SFXN5: variants seen among roughly 807,000 people sequenced by gnomAD.
SFXN5 encodes sideroflexin-5.
In SFXN5, 43 loss-of-function variants were observed where a neutral mutation model predicts 50.2. That is an observed-to-expected ratio of 0.86 (90% CI 0.67 to 1.11). SFXN5 has a LOEUF of 1.11. Among genes scored for constraint, SFXN5 ranks in the 50% least tolerant of loss-of-function variants. The pLI, the probability that SFXN5 is intolerant of heterozygous loss-of-function variation, is 0.00. For synonymous variants in SFXN5, 203 were observed against 185.8 expected (o/e 1.09, Z -0.75); for missense variants, 463 against 454.1 (o/e 1.02, Z -0.18).
intron 2 of SFXN5, among the ~76,000 whole-genome samples, chr2:73,047,928 T>C (rs1178611208): frequency 6.6e-6 from 1 of 152,158 alleles, no homozygotes; most frequent in Non-Finnish European, 1.5e-5. Context: ...ATATTATTTA[T>C]GAAAAAGAAA....
chr2:72,968,482 C>T lies in SFXN5; in HGVS notation c.793G>A (p.Val265Met), dbSNP rs777660148. The change falls in exon 12 of 14, where the codon GTG becomes ATG. Residue 265 changes from valine (V) to methionine (M), a missense_variant. Physicochemically the swap from Val to Met is conservative, Grantham distance 21 (BLOSUM62 1). Transcript: ENST00000272433. ...ATGGACATGACGATCGGGGGTAGCA[C>T]CAGGATGGGCATGGGCAGGACCACT... ...TRVVLPMPIL[V>M]LPPIVMSMLE... 3 of 1,613,144 alleles carry T rather than the reference C, an allele frequency of 1.9e-6. No individual in the cohort carries two copies. The highest frequency in any genetic ancestry group is 1.1e-5 in the South Asian group (1 of 91,032).
intron 2 of SFXN5, among the ~76,000 whole-genome samples, chr2:73,048,170 T>C (rs1401095905): frequency 6.6e-6 from 1 of 152,246 alleles, no homozygotes; most frequent in African/African-American, 2.4e-5. Flanking sequence ...ATATGATTCC[T>C]TATATATATT....
intron 12 of SFXN5, among the ~76,000 whole-genome samples, chr2:72,966,586 C>T (rs1376799613): frequency 6.6e-6 from 1 of 152,194 alleles, no homozygotes; most frequent in Non-Finnish European, 1.5e-5. Flanking sequence ...CCGCCCTCTT[C>T]TAGGGTGAGA....
At position 73,001,559 on chromosome 2, in the gene SFXN5, G is replaced by A; in HGVS notation, c.377C>T (p.Pro126Leu). The A allele has an allele frequency of 6.2e-7, 1 of 1,614,152 alleles. No homozygotes were observed. The highest frequency in any genetic ancestry group is 8.5e-7 in the Non-Finnish European group (1 of 1,180,026). ...GTPIVVGLLLPNQTLASTVFW... is the reference protein window; with the variant it reads ...GTPIVVGLLLLNQTLASTVFW... ...GACAGTGGATGCCAGTGTCTGGTTG[G>A]GCAAGAGAAGACCGACTACCTATGA... The change falls in exon 7 of 14, where the codon CCC becomes CTC. Residue 126 changes from proline (P) to leucine (L), a missense_variant. Physicochemically the swap from Pro to Leu is moderately conservative, Grantham distance 98. Coordinates refer to ENST00000272433, the MANE Select transcript of SFXN5 (RefSeq NM_144579.3).
At chr2:73,033,903 C>T (rs1185467605) in intron 3 of SFXN5, among the ~76,000 whole-genome samples, 1 of 152,170 alleles carries the variant, frequency 6.6e-6, no homozygotes, top group Non-Finnish European at 1.5e-5. Flanking sequence ...TCTACTGGGT[C>T]ACAGCCAGGC....
At chr2:73,005,859 A>G (rs1301892291) in intron 6 of SFXN5, among the ~76,000 whole-genome samples, 1 of 150,482 alleles carries the variant, frequency 6.6e-6, no homozygotes, top group African/African-American at 2.4e-5. Flanking sequence ...GGCCAGGGAA[A>G]GATCTCTGCT....
At chr2:72,995,679 C>G (rs1040382433) in intron 9 of SFXN5, among the ~76,000 whole-genome samples, 1 of 152,168 alleles carries the variant, frequency 6.6e-6, no homozygotes, top group Non-Finnish European at 1.5e-5. Flanking sequence ...CACTTGTTTG[C>G]AGGTCATCTC....
In SFXN5 at chr2:72,944,072, G is replaced by T. The variant is rs1671687202; in HGVS notation, c.*950C>A. The T allele has an allele frequency of 6.6e-6, 1 of 152,292 alleles. No individual in the cohort carries two copies. The allele number at this position is 152,292 out of a possible 1,614,324, so 9.4% of individuals were successfully genotyped here. On this transcript the variant is annotated 3_prime_UTR_variant, in exon 14 of 14. Transcript: ENST00000272433. ...CTTAGAAAGGGATGGGATGGGGCAG[G>T]CAGCCTTGGTGGCTGGAGAAGCTCC...
Position 72,945,440 on chromosome 2 carries a change from C to A in SFXN5, c.946-341G>T, listed in dbSNP as rs895502045. ...CACTGCAGACCTACCACAGCCCTGCCCAGGGCCATTCCCTGGACCTGATGA... is the reference window on the plus strand; with the variant it reads ...CACTGCAGACCTACCACAGCCCTGCACAGGGCCATTCCCTGGACCTGATGA... On this transcript the variant is annotated intron_variant, in intron 13 of 13. Transcript: ENST00000272433. The surrounding 1 kb of genome is among the most constrained non-coding windows in gnomAD (Gnocchi z 5.8). Among the ~76,000 whole-genome samples the A allele has an allele frequency of 6.6e-6, 1 of 152,000 alleles. No homozygotes were observed. The highest frequency in any genetic ancestry group is 2.4e-5 in the African/African-American group (1 of 41,350).
intron 2 of SFXN5, chr2:73,041,663 TA>T: frequency 4.9e-6 from 2 of 406,820 alleles, no homozygotes; most frequent in South Asian, 1.7e-5. Flanking sequence ...AGACTCCATC[TA>T]AAAAAGAAAA....
At chr2:73,053,521 AG>A (rs1160664456) in intron 2 of SFXN5, 4 of 152,404 alleles carry the variant, frequency 2.6e-5, no homozygotes, top group Non-Finnish European at 4.4e-5. Context: ...GCTTTGTTCA[AG>A]GCATTCTTAG....
At chr2:73,022,852 G>A (rs533598931) in intron 4 of SFXN5, among the ~76,000 whole-genome samples, 5 of 152,310 alleles carry the variant, frequency 3.3e-5, no homozygotes, top group African/African-American at 1.2e-4. Context: ...GCAGTGGAGA[G>A]CAAAAGTCCA....
At chr2:72,956,581 C>T (rs1437365262) in intron 13 of SFXN5, among the ~76,000 whole-genome samples, 1 of 152,186 alleles carries the variant, frequency 6.6e-6, no homozygotes, top group Non-Finnish European at 1.5e-5. Flanking sequence ...GCTCCATCGT[C>T]AACAACTTTG....
In SFXN5 at chr2:72,968,438, C is replaced by A. The variant is rs1674723721; in HGVS notation, c.827+10G>T. ...ATGGTGGCCTCTCCATCCTGGCTGC[C>A]CCAACTCACTTCTCCAGCATGGACA... On this transcript the variant is annotated intron_variant, in intron 12 of 13. Coordinates refer to ENST00000272433, the MANE Select transcript of SFXN5 (RefSeq NM_144579.3). 1.2e-6 allele frequency: 2 copies of A among 1,610,762 alleles called. No individual in the cohort carries two copies. Among genetic ancestry groups the A allele is most frequent in the Non-Finnish European group, 1.7e-6 (2 of 1,178,874 alleles).
chr2:72,990,630 T>C (rs1185426318), intron 9 of SFXN5, among the ~76,000 whole-genome samples: 3 of 152,212 alleles, frequency 2.0e-5, no homozygotes, highest in East Asian at 3.8e-4. Flanking sequence ...ATAGACCATG[T>C]TGGCCCTTTT....
chr2:73,014,540 T>A (rs1675916078), intron 6 of SFXN5, among the ~76,000 whole-genome samples: 1 of 152,230 alleles, frequency 6.6e-6, no homozygotes, highest in Non-Finnish European at 1.5e-5. Flanking sequence ...CTTGTATTCA[T>A]GTAACTTTTC....
intron 2 of SFXN5, among the ~76,000 whole-genome samples, chr2:73,051,759 C>G (rs1010680232): frequency 1.3e-5 from 2 of 152,082 alleles, no homozygotes; most frequent in African/African-American, 2.4e-5. Flanking sequence ...GTTCTGGAGG[C>G]TGGAAGTCCA....
chr2:72,953,820 A>G lies in SFXN5; in HGVS notation c.945+7311T>C, dbSNP rs1407865184. On this transcript the variant is annotated intron_variant, in intron 13 of 13. Coordinates refer to ENST00000272433, the MANE Select transcript of SFXN5 (RefSeq NM_144579.3). The surrounding 1 kb of genome is among the most constrained non-coding windows in gnomAD (Gnocchi z 4.1). ...TGGGGGTCCCAATACTTTCTCAAAG[A>G]AAGATAAGCTGGGGGGACTTTGCTT... 6.6e-6 allele frequency among the ~76,000 whole-genome samples: 1 copy of G among 152,180 alleles called. No homozygotes were observed. The highest frequency in any genetic ancestry group is 1.5e-5 in the Non-Finnish European group (1 of 68,026).
At chr2:72,985,466 T>C (rs1379830223) in intron 10 of SFXN5, among the ~76,000 whole-genome samples, 1 of 151,064 alleles carries the variant, frequency 6.6e-6, no homozygotes, top group Non-Finnish European at 1.5e-5. Flanking sequence ...CCACACCTAA[T>C]CATCTCAAAA....
Sources: allele counts gnomAD v4.1 joint callset (sites outside exome capture counted in the v4.1 genomes callset), GRCh38; gene constraint gnomAD v4.1.1; non-coding constraint Gnocchi (gnomAD v3.1); transcripts MANE v1.5; gene names NCBI Gene and HGNC (gene_info 2026-07-23, HGNC 2026-07-21).